HNF4G: variants seen among roughly 807,000 people sequenced by gnomAD.
The protein encoded by HNF4G is hepatocyte nuclear factor 4 gamma, also known as hepatocyte nuclear factor 4-gamma.
A neutral mutation model predicts 50.9 loss-of-function variants in HNF4G; 21 were observed. That is an observed-to-expected ratio of 0.41 (90% CI 0.29 to 0.59). HNF4G has a LOEUF of 0.59. Ranked by LOEUF, HNF4G falls within the 20% of genes least tolerant of loss-of-function variation. HNF4G has a pLI of 0.26. For missense variants in HNF4G, 527 were observed against 559.4 expected, an observed-to-expected ratio of 0.94 and a Z score of 0.58; for synonymous variants, 198 against 185.6, an observed-to-expected ratio of 1.07 and a Z score of -0.54.
At chr8:75,423,694 A>C (rs1810825756) in intron 1 of HNF4G, among the ~76,000 whole-genome samples, 1 of 148,324 alleles carries the variant, frequency 6.7e-6, no homozygotes, top group Non-Finnish European at 1.5e-5. Context: ...CCAGCCATTT[A>C]TGACTATTCT....
intron 1 of HNF4G, among the ~76,000 whole-genome samples, chr8:75,448,357 C>T (rs1811478898): frequency 1.4e-5 from 2 of 144,800 alleles, no homozygotes; most frequent in East Asian, 4.2e-4. Flanking sequence ...TGCAGCGCAC[C>T]AGCATGGCAC....
At chr8:75,491,393 T>A (rs1812625543) in intron 2 of HNF4G, among the ~76,000 whole-genome samples, 1 of 152,116 alleles carries the variant, frequency 6.6e-6, no homozygotes, top group South Asian at 2.1e-4. Flanking sequence ...AATCATAGTA[T>A]CTTATAGGCA....
chr8:75,459,855 G>A (rs1462588000), intron 1 of HNF4G, among the ~76,000 whole-genome samples: 1 of 152,026 alleles, frequency 6.6e-6, no homozygotes, highest in Non-Finnish European at 1.5e-5. Flanking sequence ...TGTTTTTCAA[G>A]TTACATAGTT....
At chr8:75,526,769 C>CT (rs71273896) in intron 2 of HNF4G, among the ~76,000 whole-genome samples, 107 of 145,208 alleles carry the variant, frequency 7.4e-4, no homozygotes, top group African/African-American at 2.0e-3. Flanking sequence ...AACAAGCATT[C>CT]TTTTTTTTTT....
chr8:75,514,626 C>A (rs1036061315), intron 2 of HNF4G, among the ~76,000 whole-genome samples: 2 of 152,020 alleles, frequency 1.3e-5, no homozygotes, highest in African/African-American at 4.8e-5. Flanking sequence ...GCTGAGATTA[C>A]AGGTGTGAGC....
chr8:75,458,156 G>A (rs755461863), intron 1 of HNF4G, among the ~76,000 whole-genome samples: 34 of 152,036 alleles, frequency 2.2e-4, no homozygotes, highest in Middle Eastern at 3.4e-3. Context: ...GTTTAGATAT[G>A]TACATTTAGG....
intron 1 of HNF4G, among the ~76,000 whole-genome samples, chr8:75,424,114 C>T (rs1810840117): frequency 6.6e-6 from 1 of 152,056 alleles, no homozygotes; most frequent in African/African-American, 2.4e-5. Context: ...AGCCACCGCA[C>T]CCGGCCCTGT....
intron 1 of HNF4G, among the ~76,000 whole-genome samples, chr8:75,443,808 C>T (rs1174936605): frequency 6.6e-6 from 1 of 152,002 alleles, no homozygotes; most frequent in African/African-American, 2.4e-5. Context: ...TTATGTTTAT[C>T]ATTTGACCAA....
chr8:75,408,772 AAAAC>A (rs1320608410), intron 1 of HNF4G, among the ~76,000 whole-genome samples: 1 of 152,246 alleles, frequency 6.6e-6, no homozygotes, highest in Non-Finnish European at 1.5e-5. Context: ...TACAACAAGC[AAAAC>A]AATCAGCATG....
At chr8:75,422,141 T>C (rs79408202) in intron 1 of HNF4G, among the ~76,000 whole-genome samples, 2,929 of 152,198 alleles carry the variant, frequency 0.019, 87 homozygotes, top group African/African-American at 0.063. Context: ...TTACTACTTA[T>C]GCTGTGAGGG....
At chr8:75,556,503 A>C (rs571167479) in intron 6 of HNF4G, among the ~76,000 whole-genome samples, 1 of 152,316 alleles carries the variant, frequency 6.6e-6, no homozygotes, top group South Asian at 2.1e-4. Flanking sequence ...GATATGCTAC[A>C]AAATGATCAA....
intron 2 of HNF4G, among the ~76,000 whole-genome samples, chr8:75,510,085 T>TG (rs1223962377): frequency 6.6e-6 from 1 of 152,050 alleles, no homozygotes; most frequent in Non-Finnish European, 1.5e-5. Flanking sequence ...GGACAAGATA[T>TG]GGGGGTGGAA....
chr8:75,505,141 G>T (rs1813043083), intron 2 of HNF4G, among the ~76,000 whole-genome samples: 1 of 152,100 alleles, frequency 6.6e-6, no homozygotes, highest in African/African-American at 2.4e-5. Context: ...AACCTTTTCT[G>T]AAAATGTTAG....
intron 2 of HNF4G, among the ~76,000 whole-genome samples, chr8:75,502,168 G>A (rs1256356227): frequency 6.6e-6 from 1 of 151,954 alleles, no homozygotes; most frequent in Non-Finnish European, 1.5e-5. Context: ...CTATGTTCTT[G>A]GTGATTTGCA....
rs1239742088 is a variant in HNF4G at position 75,504,275 on chromosome 8, A to ACACACC, written c.-24+14068_-24+14069insACACCC. On this transcript the variant is annotated intron_variant, in intron 2 of 10. Transcript: ENST00000354370. ...CACACACACACACACACACACACAC[A>ACACACC]CCAAAAACAACAACAAAAAAAATCT... is the stretch of plus-strand genomic sequence containing the variant. Among the ~76,000 whole-genome samples the ACACACC allele has an allele frequency of 8.1e-5, 12 of 147,940 alleles. No homozygotes were observed. The Admixed American group carries it at 8.1e-4, about 10-fold the overall frequency.
At chr8:75,414,663 G>T (rs1810589744) in intron 1 of HNF4G, among the ~76,000 whole-genome samples, 1 of 152,050 alleles carries the variant, frequency 6.6e-6, no homozygotes, top group Non-Finnish European at 1.5e-5. Context: ...TTTGTGTCTG[G>T]CATATTTCAC....
chr8:75,473,031 C>T (rs554628606), intron 1 of HNF4G, among the ~76,000 whole-genome samples: 8 of 152,088 alleles, frequency 5.3e-5, no homozygotes, highest in Middle Eastern at 3.4e-3. Flanking sequence ...AAGTGTCAGC[C>T]GGGAGCAGTG....
At chr8:75,556,787 C>A (rs571969708) in intron 6 of HNF4G, among the ~76,000 whole-genome samples, 1 of 152,002 alleles carries the variant, frequency 6.6e-6, no homozygotes, top group Non-Finnish European at 1.5e-5. Context: ...GATGTTTTAG[C>A]CCCAAATATA....
intron 1 of HNF4G, among the ~76,000 whole-genome samples, chr8:75,464,084 T>C (rs1811913773): frequency 6.6e-6 from 1 of 152,100 alleles, no homozygotes; most frequent in South Asian, 2.1e-4. Context: ...ACATTGACTT[T>C]AAAGTTGGAA....
Sources: allele counts gnomAD v4.1 joint callset (sites outside exome capture counted in the v4.1 genomes callset), GRCh38; gene constraint gnomAD v4.1.1; transcripts MANE v1.5; gene names NCBI Gene and HGNC (gene_info 2026-07-23, HGNC 2026-07-21).